Variants in PIEZO2 observed in about 807,000 individuals in gnomAD.
PIEZO2 encodes piezo-type mechanosensitive ion channel component 2.
PIEZO2 carries 172 observed loss-of-function variants against 337.3 expected under a neutral mutation model. The ratio of observed to expected loss-of-function variants is 0.51; its 90% CI spans 0.45 to 0.58. The LOEUF (loss-of-function observed/expected upper bound fraction) is 0.58, where lower values mean the gene tolerates loss of function less well. Ranked by LOEUF, PIEZO2 falls within the 20% of genes least tolerant of loss-of-function variation. The pLI, the probability that PIEZO2 is intolerant of heterozygous loss-of-function variation, is 0.00. For synonymous variants in PIEZO2, 1,251 were observed against 1,228.5 expected (o/e 1.02, Z -0.38); for missense variants, 3,028 against 3,391.3 (o/e 0.89, Z 2.66).
At chr18:10,907,930 TGAG>T (rs2030105006) in intron 4 of PIEZO2, among the ~76,000 whole-genome samples, 1 of 152,232 alleles carries the variant, frequency 6.6e-6, no homozygotes, top group East Asian at 1.9e-4. Context: ...GGGAGGTGAC[TGAG>T]AAGATACACA....
At chr18:10,801,526 C>A in intron 9 of PIEZO2, 98 bp from the exon 10 acceptor site, 1 of 1,079,432 alleles carries the variant, frequency 9.3e-7, no homozygotes, top group Non-Finnish European at 1.3e-6. Flanking sequence ...AGCCCATTCT[C>A]TTTAACTTGC....
chr18:10,705,209 G>T, intron 41 of PIEZO2, 127 bp downstream of exon 41: 1 of 1,228,330 alleles, frequency 8.1e-7, no homozygotes, highest in Non-Finnish European at 1.1e-6. Context: ...TCTTGGAATT[G>T]TCTGTTTGCT....
At position 10,867,112 on chromosome 18, in the gene PIEZO2, G is replaced by A. The variant is rs540595985; in HGVS notation, c.492+4141C>T. On this transcript the variant is annotated intron_variant, in intron 5 of 55. Coordinates refer to ENST00000674853, the MANE Select transcript of PIEZO2 (RefSeq NM_001378183.1). Reference sequence around the variant, plus strand: ...AAGTTTGCAAGGCAACTGGGCAGCCGTTCAGCTTCTTACCATTCTGAATGG... The same window carrying A: ...AAGTTTGCAAGGCAACTGGGCAGCCATTCAGCTTCTTACCATTCTGAATGG... 3.2e-4 allele frequency among the ~76,000 whole-genome samples: 48 copies of A among 152,308 alleles called. 1 individual carries two copies. Among genetic ancestry groups the A allele is most frequent in the African/African-American group, 1.0e-3 (42 of 41,562 alleles).
At chr18:10,972,620 A>G (rs1448534788) in intron 3 of PIEZO2, among the ~76,000 whole-genome samples, 3 of 152,222 alleles carry the variant, frequency 2.0e-5, no homozygotes, top group Non-Finnish European at 4.4e-5. Context: ...GGAGTAGAGT[A>G]GGTACAAACC....
rs1006843699 is a variant in PIEZO2 at position 10,888,507 on chromosome 18, C to T, written c.330-17092G>A. Reference sequence around the variant, plus strand: ...CTGGGCACTTGGAGTAGCATTGTTACGGGGGCGACATTGCTTCTGGGTCCT... The same window carrying T: ...CTGGGCACTTGGAGTAGCATTGTTATGGGGGCGACATTGCTTCTGGGTCCT... On this transcript the variant is annotated intron_variant, in intron 4 of 55. Coordinates refer to ENST00000674853, the MANE Select transcript of PIEZO2 (RefSeq NM_001378183.1). This position sits in a 1 kb window ranked among gnomAD's most constrained non-coding sequence, Gnocchi z 4.1. Among the ~76,000 whole-genome samples, 15 of 152,066 alleles carry T rather than the reference C, an allele frequency of 9.9e-5. No individual in the cohort carries two copies. The highest frequency in any genetic ancestry group is 2.2e-4 in the African/African-American group (9 of 41,402).
In PIEZO2 at chr18:11,124,670, G is replaced by T. The variant is rs559482407; in HGVS notation, c.64+23855C>A. ...GTACCCAGCAGAAGACTAACTCTGG[G>T]CAGGGTTCAAGCCCCAGGATGAGAT... On this transcript the variant is annotated intron_variant, in intron 1 of 55. Transcript: ENST00000674853. Among the ~76,000 whole-genome samples the T allele has an allele frequency of 5.9e-5, 9 of 152,186 alleles. No individual in the cohort carries two copies. In the South Asian group the frequency reaches 1.9e-3, roughly 32 times the overall value.
rs924435621 is a variant in PIEZO2, at chr18:10,833,211, T to C, written c.917+22142A>G. On this transcript the variant is annotated intron_variant, in intron 7 of 55. Coordinates refer to ENST00000674853, the MANE Select transcript of PIEZO2 (RefSeq NM_001378183.1). This position sits in a 1 kb window ranked among gnomAD's most constrained non-coding sequence, Gnocchi z 4.7. The stretch of plus-strand genomic sequence containing the variant: ...CATGAACATGGCACATGGAGCATGG[T>C]TGAGGGCTCAGAGACAGAAGCCCAG... 5.3e-5 allele frequency among the ~76,000 whole-genome samples: 8 copies of C among 152,116 alleles called. No homozygotes were observed. Among genetic ancestry groups the C allele is most frequent in the African/African-American group, 1.4e-4 (6 of 41,416 alleles).
chr18:10,776,354 A>G (rs760721449), intron 18 of PIEZO2, among the ~76,000 whole-genome samples: 11 of 152,252 alleles, frequency 7.2e-5, no homozygotes, highest in Admixed American at 5.9e-4. Flanking sequence ...CACAGGAAAC[A>G]TTTTAAAATA....
At chr18:10,897,905 A>C (rs1485067424) in intron 4 of PIEZO2, among the ~76,000 whole-genome samples, 1 of 152,240 alleles carries the variant, frequency 6.6e-6, no homozygotes, top group African/African-American at 2.4e-5. Flanking sequence ...TGTTAATAAA[A>C]TACACGGTCT....
chr18:10,773,319 C>G lies in PIEZO2; in HGVS notation c.2785+93G>C, dbSNP rs1238241692. 4.6e-6 allele frequency: 6 copies of G among 1,297,920 alleles called. No homozygotes were observed. The highest frequency in any genetic ancestry group is 1.5e-5 in the African/African-American group (1 of 68,074). The allele number at this position is 1,297,920 out of a possible 1,614,324, so 80.4% of individuals were successfully genotyped here. On this transcript the variant is annotated intron_variant, in intron 20 of 55. Coordinates refer to ENST00000674853, the MANE Select transcript of PIEZO2 (RefSeq NM_001378183.1). This position sits in a 1 kb window ranked among gnomAD's most constrained non-coding sequence, Gnocchi z 5.3. Reference sequence around the variant, plus strand: ...CCAATTTTTATGTCATGGACTGGGTCAAATATATATTCTTTTGGAGCAAGT... The same window carrying G: ...CCAATTTTTATGTCATGGACTGGGTGAAATATATATTCTTTTGGAGCAAGT...
At position 11,114,605 on chromosome 18, in the gene PIEZO2, C is replaced by G. The variant is rs189740555; in HGVS notation, c.64+33920G>C. Reference sequence around the variant, plus strand: ...GCTTGAACCTGGGAGGTGGAGGTTGCAGTGAGCTGAGATCGTGCCACTGCA... The same window carrying G: ...GCTTGAACCTGGGAGGTGGAGGTTGGAGTGAGCTGAGATCGTGCCACTGCA... On this transcript the variant is annotated intron_variant, in intron 1 of 55. Coordinates refer to ENST00000674853, the MANE Select transcript of PIEZO2 (RefSeq NM_001378183.1). Among the ~76,000 whole-genome samples the G allele has an allele frequency of 1.8e-3, 276 of 152,024 alleles. 1 individual carries two copies. Among genetic ancestry groups the G allele is most frequent in the Middle Eastern group, 6.8e-3 (2 of 294 alleles).
intron 3 of PIEZO2, among the ~76,000 whole-genome samples, chr18:10,975,746 A>T (rs999690643): frequency 3.9e-5 from 6 of 152,210 alleles, no homozygotes; most frequent in African/African-American, 1.2e-4. Flanking sequence ...TATGCATTTT[A>T]AATGGGGGAA....
rs1241062326 is a variant in PIEZO2, at chr18:10,945,529, G to A, written c.286+34006C>T. Among the ~76,000 whole-genome samples the A allele has an allele frequency of 6.6e-6, 1 of 152,078 alleles. No homozygotes were observed. Among genetic ancestry groups the A allele is most frequent in the African/African-American group, 2.4e-5 (1 of 41,394 alleles). On this transcript the variant is annotated intron_variant, in intron 3 of 55. Coordinates refer to ENST00000674853, the MANE Select transcript of PIEZO2 (RefSeq NM_001378183.1). The surrounding 1 kb of genome is among the most constrained non-coding windows in gnomAD (Gnocchi z 4.0). ...ATGTTTAAACAAAACACCCCCAAGA[G>A]ATCAAAACATTTCCAAATAACTTAA...
rs2037410792 is a variant in PIEZO2, at chr18:11,048,675, G to GT, written c.160+17451dup. 6.6e-6 allele frequency among the ~76,000 whole-genome samples: 1 copy of GT among 152,154 alleles called. No individual in the cohort carries two copies. Among genetic ancestry groups the GT allele is most frequent in the Non-Finnish European group, 1.5e-5 (1 of 68,010 alleles). On this transcript the variant is annotated intron_variant, in intron 2 of 55. Transcript: ENST00000674853. This position sits in a 1 kb window ranked among gnomAD's most constrained non-coding sequence, Gnocchi z 4.5. ...ACTGAATCAATTTTTAAAAATGATA[G>GT]TTTCAGGAATTATTCAGTAGCCTCT...
At chr18:10,925,421 A>T (rs264270) in intron 3 of PIEZO2, among the ~76,000 whole-genome samples, 96,175 of 151,964 alleles carry the variant, frequency 0.63, 31,058 homozygotes, top group African/African-American at 0.76. Flanking sequence ...TGATCCCTCA[A>T]ATATAATGGA....
At chr18:10,825,568 T>A (rs2040647577) in intron 7 of PIEZO2, among the ~76,000 whole-genome samples, 1 of 149,092 alleles carries the variant, frequency 6.7e-6, no homozygotes. Flanking sequence ...TTTTTTTTTT[T>A]GAGACAGAAT....
At chr18:11,049,204 T>TG (rs772160345) in intron 2 of PIEZO2, among the ~76,000 whole-genome samples, 1 of 152,204 alleles carries the variant, frequency 6.6e-6, no homozygotes, top group Non-Finnish European at 1.5e-5. Flanking sequence ...GATGAGTTCT[T>TG]GTGAACAGCA....
At position 10,698,982 on chromosome 18, in the gene PIEZO2, C is replaced by T. The variant is rs1284576877; in HGVS notation, c.6637G>A (p.Gly2213Ser). ...QQTAVRRKRS[G>S]SSSEPSQRSS... ...CTCTGGGATGGCTCGGAGCTGCTGC[C>T]GGAGCGCTTCCTCCGGACAGCTGTC... The change falls in exon 44 of 56, where the codon GGC (glycine) becomes AGC (serine). Residue 2213 changes from glycine (G) to serine (S), a missense_variant. This residue lies in a region of PIEZO2 where 1,925 missense variants were observed against 2,051.9 expected (regional missense o/e 0.94). Transcript: ENST00000674853. 2.9e-5 allele frequency: 45 copies of T among 1,536,902 alleles called. No homozygotes were observed. The highest frequency in any genetic ancestry group is 1.7e-4 in the Middle Eastern group (1 of 5,990).
chr18:10,782,462 T>A (rs1299101976), intron 17 of PIEZO2, among the ~76,000 whole-genome samples: 1 of 29,526 alleles, frequency 3.4e-5, no homozygotes, highest in African/African-American at 1.0e-4. Context: ...GTATATATAT[T>A]ATATTAAATA....
Sources: gnomAD v4.1 joint callset for allele counts (sites outside exome capture counted in the v4.1 genomes callset) on GRCh38, gnomAD v4.1.1 for gene constraint, gnomAD v4.1.1 regional missense constraint, Gnocchi (gnomAD v3.1) non-coding constraint, MANE v1.5 for transcripts, NCBI Gene and HGNC (gene_info 2026-07-23, HGNC 2026-07-21) for gene names.